Variants in NXPH1 observed in about 807,000 individuals in gnomAD.
The protein encoded by NXPH1 is neurexophilin 1.
Under a neutral mutation model 23.7 loss-of-function variants are expected in NXPH1, and 5 were observed. The ratio of observed to expected loss-of-function variants is 0.21; its 90% CI spans 0.11 to 0.44. NXPH1 has a LOEUF of 0.44. Ranked by LOEUF, NXPH1 falls within the 20% of genes least tolerant of loss-of-function variation. NXPH1 has a pLI of 0.99. For missense variants in NXPH1, 324 were observed against 321.6 expected (o/e 1.01, Z -0.06); for synonymous variants, 144 against 122.2 (o/e 1.18, Z -1.18).
At chr7:8,551,060 G>C (rs774456536) in intron 2 of NXPH1, among the ~76,000 whole-genome samples, 1 of 151,434 alleles carries the variant, frequency 6.6e-6, no homozygotes. Flanking sequence ...TTAGAAAATT[G>C]TCTTACTGAA....
chr7:8,629,619 G>A (rs1820080703), intron 2 of NXPH1, among the ~76,000 whole-genome samples: 1 of 152,086 alleles, frequency 6.6e-6, no homozygotes, highest in Non-Finnish European at 1.5e-5. Flanking sequence ...CTTTATATTG[G>A]TAGGAAATAA....
intron 2 of NXPH1, among the ~76,000 whole-genome samples, chr7:8,455,540 C>T (rs964829196): frequency 6.6e-6 from 1 of 152,204 alleles, no homozygotes; most frequent in Non-Finnish European, 1.5e-5. Flanking sequence ...ACAAGGAGAA[C>T]AGACTTCCCT....
chr7:8,526,269 T>C (rs1454596624), intron 2 of NXPH1, among the ~76,000 whole-genome samples: 2 of 152,228 alleles, frequency 1.3e-5, no homozygotes, highest in Non-Finnish European at 2.9e-5. Flanking sequence ...GTCCAATTCC[T>C]CCCATATGGG....
At chr7:8,700,058 T>A in intron 2 of NXPH1, among the ~76,000 whole-genome samples, 1 of 152,144 alleles carries the variant, frequency 6.6e-6, no homozygotes, top group East Asian at 1.9e-4. Context: ...TGAAGATAAA[T>A]TTTCTTTTCA....
chr7:8,505,815 A>G (rs971002421), intron 2 of NXPH1, among the ~76,000 whole-genome samples: 9 of 152,104 alleles, frequency 5.9e-5, no homozygotes, highest in Non-Finnish European at 1.2e-4. Flanking sequence ...ATTGACTCTG[A>G]GGAGCATGCA....
At chr7:8,741,204 CT>C (rs1333200001) in intron 2 of NXPH1, among the ~76,000 whole-genome samples, 1 of 152,150 alleles carries the variant, frequency 6.6e-6, no homozygotes, top group Non-Finnish European at 1.5e-5. Flanking sequence ...ATCCATGCTG[CT>C]ACAAATGACA....
intron 2 of NXPH1, among the ~76,000 whole-genome samples, chr7:8,507,609 CAT>C (rs1249747902): frequency 6.6e-6 from 1 of 152,098 alleles, no homozygotes; most frequent in Non-Finnish European, 1.5e-5. Context: ...CATAGGTGCA[CAT>C]GTTTCATAAT....
At chr7:8,672,484 T>TA (rs569574439) in intron 2 of NXPH1, among the ~76,000 whole-genome samples, 179 of 151,070 alleles carry the variant, frequency 1.2e-3, no homozygotes, top group Non-Finnish European at 2.2e-3. Flanking sequence ...AAAAAAAGAT[T>TA]AAAAAAACCA....
In NXPH1 at chr7:8,511,185, C is replaced by T. The variant is rs927801502; in HGVS notation, c.54+75418C>T. ...TATAGCATTAAAGAATTATTCTAAC[C>T]CTTAGTGATAACAGGCAATCTGGGG... On this transcript the variant is annotated intron_variant, in intron 2 of 2. Transcript: ENST00000405863. Among the ~76,000 whole-genome samples, 5 of 152,002 alleles carry T rather than the reference C, an allele frequency of 3.3e-5. No individual in the cohort carries two copies. The East Asian group carries it at 5.8e-4, about 18-fold the overall frequency.
intron 2 of NXPH1, among the ~76,000 whole-genome samples, chr7:8,488,779 T>C (rs1333358145): frequency 1.3e-5 from 2 of 152,140 alleles, no homozygotes; most frequent in African/African-American, 4.8e-5. Context: ...TCAAAGCTTC[T>C]GAGGGTTAAA....
intron 2 of NXPH1, among the ~76,000 whole-genome samples, chr7:8,491,815 A>T (rs1276914210): frequency 6.6e-6 from 1 of 152,080 alleles, no homozygotes; most frequent in Admixed American, 6.6e-5. Context: ...CACATTCAGC[A>T]TGCCAAATTT....
At chr7:8,505,753 G>A (rs1162368129) in intron 2 of NXPH1, among the ~76,000 whole-genome samples, 1 of 152,048 alleles carries the variant, frequency 6.6e-6, no homozygotes, top group African/African-American at 2.4e-5. Flanking sequence ...AACTATGTTA[G>A]GCACATGATG....
chr7:8,551,718 T>C (rs976559496), intron 2 of NXPH1, among the ~76,000 whole-genome samples: 1 of 151,508 alleles, frequency 6.6e-6, no homozygotes, highest in Non-Finnish European at 1.5e-5. Context: ...TCTTATTTAC[T>C]ACTGTAACTG....
intron 2 of NXPH1, among the ~76,000 whole-genome samples, chr7:8,670,824 T>C (rs1260593651): frequency 6.6e-6 from 1 of 152,234 alleles, no homozygotes; most frequent in Non-Finnish European, 1.5e-5. Flanking sequence ...GTTCCTGCTT[T>C]TTCAAGGATT....
intron 2 of NXPH1, among the ~76,000 whole-genome samples, chr7:8,536,803 G>C (rs1388358095): frequency 6.6e-6 from 1 of 151,944 alleles, no homozygotes; most frequent in Non-Finnish European, 1.5e-5. Flanking sequence ...TTTAGGTTGT[G>C]TCTTGGAAAT....
intron 2 of NXPH1, among the ~76,000 whole-genome samples, chr7:8,528,041 C>CG (rs1563336638): frequency 6.6e-6 from 1 of 152,226 alleles, no homozygotes; most frequent in East Asian, 1.9e-4. Flanking sequence ...AAAACTCATA[C>CG]GGGTGGTTCT....
chr7:8,498,011 T>C (rs955961626), intron 2 of NXPH1, among the ~76,000 whole-genome samples: 5 of 152,094 alleles, frequency 3.3e-5, no homozygotes, highest in African/African-American at 7.2e-5. Flanking sequence ...TGTTTCCTTA[T>C]AGCAGTAGTA....
chr7:8,679,519 A>T (rs1457965263), intron 2 of NXPH1, among the ~76,000 whole-genome samples: 1 of 152,192 alleles, frequency 6.6e-6, no homozygotes, highest in Non-Finnish European at 1.5e-5. Context: ...TAATCATAGC[A>T]GGTTTGAAAT....
chr7:8,733,080 C>T (rs1255767066), intron 2 of NXPH1, among the ~76,000 whole-genome samples: 1 of 151,994 alleles, frequency 6.6e-6, no homozygotes, highest in East Asian at 1.9e-4. Context: ...TCCCTGTGTC[C>T]ATGTGTTCTC....
Sources: allele counts gnomAD v4.1 joint callset (sites outside exome capture counted in the v4.1 genomes callset), GRCh38; gene constraint gnomAD v4.1.1; transcripts MANE v1.5; gene names NCBI Gene and HGNC (gene_info 2026-07-23, HGNC 2026-07-21).